The following HS6ST3 variants were observed in gnomAD, a reference collection of about 807,000 sequenced individuals.
HS6ST3 encodes heparan-sulfate 6-O-sulfotransferase 3.
Under a neutral mutation model 36.7 loss-of-function variants are expected in HS6ST3, and 12 were observed. The ratio of observed to expected loss-of-function variants is 0.33; its 90% CI spans 0.21 to 0.53. HS6ST3 has a LOEUF of 0.53. Among genes scored for constraint, HS6ST3 ranks in the 20% least tolerant of loss-of-function variants. HS6ST3 has a pLI of 0.95. For synonymous variants in HS6ST3, 240 were observed against 257.5 expected, an observed-to-expected ratio of 0.93 and a Z score of 0.65; for missense variants, 584 against 640.9, an observed-to-expected ratio of 0.91 and a Z score of 0.96.
intron 1 of HS6ST3, among the ~76,000 whole-genome samples, chr13:96,311,477 A>G (rs763185905): frequency 4.6e-5 from 7 of 152,192 alleles, no homozygotes; most frequent in Non-Finnish European, 7.4e-5. Flanking sequence ...GATAAAGCTC[A>G]TCAAAGCAAA....
At chr13:96,450,559 A>G (rs2055722732) in intron 1 of HS6ST3, among the ~76,000 whole-genome samples, 2 of 152,144 alleles carry the variant, frequency 1.3e-5, no homozygotes, top group South Asian at 4.1e-4. Context: ...TACCCTGGAG[A>G]CAGGCCATCT....
intron 1 of HS6ST3, among the ~76,000 whole-genome samples, chr13:96,131,395 T>C (rs116091446): frequency 0.02 from 3,048 of 152,312 alleles, 86 homozygotes; most frequent in African/African-American, 0.067. Context: ...AGTTAAACAT[T>C]TTATTGAGGT....
chr13:96,616,151 A>G (rs554853933), intron 1 of HS6ST3, among the ~76,000 whole-genome samples: 5 of 152,218 alleles, frequency 3.3e-5, no homozygotes, highest in Non-Finnish European at 7.4e-5. Context: ...ATATGTTAAT[A>G]TTCCAGATCA....
chr13:96,360,678 G>T (rs902144905), intron 1 of HS6ST3, among the ~76,000 whole-genome samples: 3 of 151,122 alleles, frequency 2.0e-5, no homozygotes, highest in Non-Finnish European at 4.4e-5. Context: ...CGGTGCAGTG[G>T]CTCAACGCCT....
chr13:96,276,636 A>T (rs1326622345), intron 1 of HS6ST3, among the ~76,000 whole-genome samples: 1 of 152,198 alleles, frequency 6.6e-6, no homozygotes, highest in Non-Finnish European at 1.5e-5. Context: ...ATTTTATTTC[A>T]TTGGATTTCT....
At chr13:96,805,179 A>G (rs1878167659) in intron 1 of HS6ST3, among the ~76,000 whole-genome samples, 1 of 152,104 alleles carries the variant, frequency 6.6e-6, no homozygotes, top group Non-Finnish European at 1.5e-5. Flanking sequence ...CCCAAATCTC[A>G]TCTTGAATTG....
intron 1 of HS6ST3, among the ~76,000 whole-genome samples, chr13:96,693,484 A>G (rs1252862023): frequency 6.6e-6 from 1 of 151,920 alleles, no homozygotes; most frequent in East Asian, 1.9e-4. Context: ...TTGTATTTTT[A>G]TAGAGATGGA....
At chr13:96,105,148 G>T (rs1275460902) in intron 1 of HS6ST3, among the ~76,000 whole-genome samples, 1 of 151,634 alleles carries the variant, frequency 6.6e-6, no homozygotes, top group East Asian at 1.9e-4. Flanking sequence ...ATTGAGACTA[G>T]ACATAGGATC....
chr13:96,243,248 G>A (rs2054569715), intron 1 of HS6ST3, among the ~76,000 whole-genome samples: 3 of 152,160 alleles, frequency 2.0e-5, no homozygotes, highest in African/African-American at 4.8e-5. Flanking sequence ...ATTGGGCAAT[G>A]CAAATCTATA....
chr13:96,490,992 T>C (rs2055942450), intron 1 of HS6ST3, among the ~76,000 whole-genome samples: 1 of 152,190 alleles, frequency 6.6e-6, no homozygotes, highest in South Asian at 2.1e-4. Context: ...GTGTGTGACT[T>C]GAGACTGCTT....
Position 96,379,703 on chromosome 13 carries a change from A to G in HS6ST3, c.707+288134A>G, listed in dbSNP as rs1188263761. Among the ~76,000 whole-genome samples, 3 of 152,314 alleles carry G rather than the reference A, an allele frequency of 2.0e-5. No individual in the cohort carries two copies. In the East Asian group the frequency reaches 5.8e-4, roughly 29 times the overall value. The stretch of plus-strand genomic sequence containing the variant: ...GATTTCTTAGCCACATTCTGAATCT[A>G]CTGGTTATAATTTCTGATTTGGGAA... On this transcript the variant is annotated intron_variant, in intron 1 of 1. Coordinates refer to ENST00000376705, the MANE Select transcript of HS6ST3 (RefSeq NM_153456.4).
chr13:96,203,589 A>G (rs2054354080), intron 1 of HS6ST3, among the ~76,000 whole-genome samples: 1 of 152,172 alleles, frequency 6.6e-6, no homozygotes, highest in Non-Finnish European at 1.5e-5. Flanking sequence ...TCTTCTTTCA[A>G]CATTTCCAGT....
rs79262085 is a variant in HS6ST3 at position 96,465,504 on chromosome 13, C to T, written c.708-366986C>T. Among the ~76,000 whole-genome samples the T allele has an allele frequency of 6.4e-3, 978 of 152,194 alleles. 45 individuals carry two copies. The East Asian group carries it at 0.12, about 19-fold the overall frequency. On this transcript the variant is annotated intron_variant, in intron 1 of 1. Transcript: ENST00000376705. ...CAAGCCTCCAGTTGTACATAGTATACGGTTTCATTTACATAAAGATACAAA... is the reference window on the plus strand; with the variant it reads ...CAAGCCTCCAGTTGTACATAGTATATGGTTTCATTTACATAAAGATACAAA...
intron 1 of HS6ST3, among the ~76,000 whole-genome samples, chr13:96,816,571 T>G (rs1878426183): frequency 6.6e-6 from 1 of 152,174 alleles, no homozygotes; most frequent in Admixed American, 6.6e-5. Flanking sequence ...GCATGATGCG[T>G]GAAGACCCTG....
intron 1 of HS6ST3, among the ~76,000 whole-genome samples, chr13:96,415,829 G>T (rs540210932): frequency 1.3e-5 from 2 of 152,322 alleles, no homozygotes; most frequent in African/African-American, 4.8e-5. Context: ...TTTTGATGAA[G>T]ATATATAAAG....
intron 1 of HS6ST3, among the ~76,000 whole-genome samples, chr13:96,821,669 TGAG>T (rs1390026610): frequency 6.6e-6 from 1 of 152,246 alleles, no homozygotes; most frequent in African/African-American, 2.4e-5. Flanking sequence ...TAATCATTAT[TGAG>T]GAGATGACCT....
intron 1 of HS6ST3, among the ~76,000 whole-genome samples, chr13:96,174,179 T>A (rs1232490304): frequency 9.9e-5 from 15 of 152,172 alleles, no homozygotes; most frequent in Admixed American, 9.8e-4. Flanking sequence ...GCATACAGAA[T>A]GGCATTACAT....
intron 1 of HS6ST3, among the ~76,000 whole-genome samples, chr13:96,482,907 T>C (rs1343701635): frequency 6.6e-6 from 1 of 152,238 alleles, no homozygotes; most frequent in Non-Finnish European, 1.5e-5. Context: ...AATGTGCATT[T>C]TCTTCCTAAT....
intron 1 of HS6ST3, among the ~76,000 whole-genome samples, chr13:96,424,861 G>A (rs1488476073): frequency 4.6e-5 from 7 of 152,120 alleles, no homozygotes; most frequent in Admixed American, 1.3e-4. Context: ...TATAAGATTG[G>A]TGGCCCTCAT....
Sources: allele counts gnomAD v4.1 joint callset (sites outside exome capture counted in the v4.1 genomes callset), GRCh38; gene constraint gnomAD v4.1.1; transcripts MANE v1.5; gene names NCBI Gene and HGNC (gene_info 2026-07-23, HGNC 2026-07-21).